ATP1A1: variants seen among roughly 807,000 people sequenced by gnomAD.
ATP1A1 encodes ATPase Na+/K+ transporting subunit alpha 1, also known as sodium/potassium-transporting ATPase subunit alpha-1.
ATP1A1 carries 14 observed loss-of-function variants against 114.8 expected under a neutral mutation model. That is an observed-to-expected ratio of 0.12 (90% CI 0.08 to 0.19). The LOEUF is 0.19. Among genes scored for constraint, ATP1A1 ranks in the 10% least tolerant of loss-of-function variants. The probability of loss-of-function intolerance (pLI) is 1.00; values close to 1 mark genes in which losing one functional copy is unlikely to be tolerated. For synonymous variants in ATP1A1, 471 were observed against 466.3 expected (o/e 1.01, Z -0.13); for missense variants, 524 against 1,290.7 (o/e 0.41, Z 9.10).
chr1:116,400,250 C>T (rs113856257), intron 18 of ATP1A1, among the ~76,000 whole-genome samples: 1 of 152,366 alleles, frequency 6.6e-6, no homozygotes, highest in Non-Finnish European at 1.5e-5. Context: ...ATTCATTAGA[C>T]AGTTGTTGGC....
rs1323939072 is a variant in ATP1A1, at chr1:116,399,734, T to G, written c.2572+191T>G. On this transcript the variant is annotated intron_variant, in intron 18 of 22. Coordinates refer to ENST00000295598, the MANE Select transcript of ATP1A1 (RefSeq NM_000701.8). The surrounding 1 kb of genome is among the most constrained non-coding windows in gnomAD (Gnocchi z 5.0). The stretch of plus-strand genomic sequence containing the variant: ...ATGTGAGAATACATCTGTTGCTGTT[T>G]GCCCAGTTACCTTTTGTGGAAACTG... Among the ~76,000 whole-genome samples the G allele has an allele frequency of 1.3e-5, 2 of 152,240 alleles. No individual in the cohort carries two copies. The highest frequency in any genetic ancestry group is 4.8e-5 in the African/African-American group (2 of 41,468).
At position 116,388,063 on chromosome 1, in the gene ATP1A1, A is replaced by C. The variant is rs192600359; in HGVS notation, c.388-68A>C. The C allele has an allele frequency of 4.1e-5, 44 of 1,062,310 alleles. No homozygotes were observed. The highest frequency in any genetic ancestry group is 6.2e-5 in the Non-Finnish European group (44 of 709,194). The allele number at this position is 1,062,310 out of a possible 1,614,324, so 65.8% of individuals were successfully genotyped here. A position where few individuals can be genotyped will look rare whatever the true frequency, so the allele number is the denominator to read the frequency against. On this transcript the variant is annotated intron_variant, in intron 4 of 22. Transcript: ENST00000295598. This position sits in a 1 kb window ranked among gnomAD's most constrained non-coding sequence, Gnocchi z 5.6. ...TAAAAATCTGTTTTTTATTCAGTCA[A>C]AAAATTAATTGAATGTCCCTAATTA...
In ATP1A1 at chr1:116,389,968, A is replaced by G; in HGVS notation, c.1024-245A>G. On this transcript the variant is annotated intron_variant, in intron 8 of 22. Coordinates refer to ENST00000295598, the MANE Select transcript of ATP1A1 (RefSeq NM_000701.8). The surrounding 1 kb of genome is among the most constrained non-coding windows in gnomAD (Gnocchi z 6.9). ...AACAGTGCAGTGGAGAAAGGAGAAG[A>G]ACTTGGGATCAAGTAGGGGGATAGA... 1.5e-6 allele frequency: 1 copy of G among 667,162 alleles called. No individual in the cohort carries two copies. The highest frequency in any genetic ancestry group is 2.5e-6 in the Non-Finnish European group (1 of 400,592). The allele number at this position is 667,162 out of a possible 1,614,324, so 41.3% of individuals were successfully genotyped here. A position where few individuals can be genotyped will look rare whatever the true frequency, so the allele number is the denominator to read the frequency against.
chr1:116,390,535 TG>T (rs143958053), intron 9 of ATP1A1, 124 bp downstream of exon 9: 334 of 1,041,582 alleles, frequency 3.2e-4, no homozygotes, highest in Non-Finnish European at 3.3e-4. Flanking sequence ...CTTTCTTTTT[TG>T]TTTTTTTTTT....
At chr1:116,379,906 T>C (rs1651629292) in intron 1 of ATP1A1, among the ~76,000 whole-genome samples, 1 of 152,230 alleles carries the variant, frequency 6.6e-6, no homozygotes, top group South Asian at 2.1e-4. Context: ...ACTTTCCTGC[T>C]AAAGTGGTAT....
In ATP1A1 at chr1:116,398,184, C is replaced by T. The variant is rs1653098363; in HGVS notation, c.2124+146C>T. On this transcript the variant is annotated intron_variant, in intron 15 of 22. Coordinates refer to ENST00000295598, the MANE Select transcript of ATP1A1 (RefSeq NM_000701.8). The surrounding 1 kb of genome is among the most constrained non-coding windows in gnomAD (Gnocchi z 6.1). ...AATAGGCCAGTAGGAAGCTCATAGGCATAGAGAGGGTGACTTGTTAATGGT... is the reference window on the plus strand; with the variant it reads ...AATAGGCCAGTAGGAAGCTCATAGGTATAGAGAGGGTGACTTGTTAATGGT... 1.7e-6 allele frequency: 2 copies of T among 1,178,820 alleles called. No individual in the cohort carries two copies. The highest frequency in any genetic ancestry group is 1.6e-5 in the South Asian group (1 of 63,116). 73.0% of individuals were successfully genotyped at this position (1,178,820 alleles called of 1,614,324 possible). A position where few individuals can be genotyped will look rare whatever the true frequency, so the allele number is the denominator to read the frequency against.
rs144606788 is a variant in ATP1A1, at chr1:116,399,402, C to T, written c.2449-18C>T. The T allele has an allele frequency of 1.1e-4, 176 of 1,609,070 alleles. No individual in the cohort carries two copies. In the East Asian group the frequency reaches 3.7e-3, roughly 34 times the overall value. Reference sequence around the variant, plus strand: ...CTTATTTTTAGTAACTAAATTCCTTCTCCCCACCCCTTCCCAGGTTCCTGC... The same window carrying T: ...CTTATTTTTAGTAACTAAATTCCTTTTCCCCACCCCTTCCCAGGTTCCTGC... On this transcript the variant is annotated intron_variant, in intron 17 of 22. Transcript: ENST00000295598. The surrounding 1 kb of genome is among the most constrained non-coding windows in gnomAD (Gnocchi z 5.0).
Position 116,404,706 on chromosome 1 carries a change from C to A in ATP1A1, c.*262C>A. 3 of 1,269,198 alleles carry A rather than the reference C, an allele frequency of 2.4e-6. No individual in the cohort carries two copies. The highest frequency in any genetic ancestry group is 3.0e-6 in the Non-Finnish European group (3 of 1,011,662). The allele number at this position is 1,269,198 out of a possible 1,614,324, so 78.6% of individuals were successfully genotyped here. On this transcript the variant is annotated 3_prime_UTR_variant, in exon 23 of 23. Coordinates refer to ENST00000295598, the MANE Select transcript of ATP1A1 (RefSeq NM_000701.8). This position sits in a 1 kb window ranked among gnomAD's most constrained non-coding sequence, Gnocchi z 4.8. ...TTTTTGTTTTTGTAAAAAAGGAACACCCGGAAAGACTGAAAGAATACATTT... is the reference window on the plus strand; with the variant it reads ...TTTTTGTTTTTGTAAAAAAGGAACAACCGGAAAGACTGAAAGAATACATTT...
At position 116,388,331 on chromosome 1, in the gene ATP1A1, C is replaced by T. The variant is rs1652231153; in HGVS notation, c.501+87C>T. On this transcript the variant is annotated intron_variant, in intron 5 of 22. Coordinates refer to ENST00000295598, the MANE Select transcript of ATP1A1 (RefSeq NM_000701.8). This position sits in a 1 kb window ranked among gnomAD's most constrained non-coding sequence, Gnocchi z 5.6. ...GAATTAGTGTGAAGTTAAGGTTTTC[C>T]AAGTATTACATGACTCATCAGAGAG... 1 of 1,181,086 alleles carries T rather than the reference C, an allele frequency of 8.5e-7. No homozygotes were observed. The highest frequency in any genetic ancestry group is 1.2e-6 in the Non-Finnish European group (1 of 805,608). The allele number at this position is 1,181,086 out of a possible 1,614,324, so 73.2% of individuals were successfully genotyped here.
chr1:116,374,489 G>C (rs1201741098), intron 1 of ATP1A1, among the ~76,000 whole-genome samples: 1 of 152,146 alleles, frequency 6.6e-6, no homozygotes, highest in Non-Finnish European at 1.5e-5. Flanking sequence ...ACCAAAGGGC[G>C]GTCCCTGAAG....
Position 116,399,241 on chromosome 1 carries a change from C to G in ATP1A1, c.2448+157C>G. On this transcript the variant is annotated intron_variant, in intron 17 of 22. Coordinates refer to ENST00000295598, the MANE Select transcript of ATP1A1 (RefSeq NM_000701.8). The surrounding 1 kb of genome is among the most constrained non-coding windows in gnomAD (Gnocchi z 5.0). ...TGTCCCAATCCCGGCTTCACAGAAT[C>G]AGTATTACCACTCTTCAAGGCAGCA... 7.4e-7 allele frequency: 1 copy of G among 1,348,718 alleles called. No homozygotes were observed. Among genetic ancestry groups the G allele is most frequent in the Non-Finnish European group, 1.0e-6 (1 of 979,254 alleles). 83.5% of individuals were successfully genotyped at this position (1,348,718 alleles called of 1,614,324 possible). A position where few individuals can be genotyped will look rare whatever the true frequency, so the allele number is the denominator to read the frequency against.
intron 1 of ATP1A1, among the ~76,000 whole-genome samples, chr1:116,376,902 A>G (rs1256041963): frequency 6.6e-6 from 1 of 152,240 alleles, no homozygotes; most frequent in Non-Finnish European, 1.5e-5. Context: ...GCATTCAAAA[A>G]TAAAAGTGAA....
chr1:116,376,461 G>A (rs989055859), intron 1 of ATP1A1, among the ~76,000 whole-genome samples: 4 of 152,184 alleles, frequency 2.6e-5, no homozygotes, highest in South Asian at 2.1e-4. Context: ...GGGCCTGGCC[G>A]GGAGCTAGTG....
Position 116,389,100 on chromosome 1 carries a change from CTT to C in ATP1A1, c.754+82_754+83del, listed in dbSNP as rs2101044830. ...AAAATCAAAACCATAGGCACAATCT[CTT>C]GTTTTATTGGCTCCATTTCTGAGAA... is the stretch of plus-strand genomic sequence containing the variant. On this transcript the variant is annotated intron_variant, in intron 7 of 22. Coordinates refer to ENST00000295598, the MANE Select transcript of ATP1A1 (RefSeq NM_000701.8). The surrounding 1 kb of genome is among the most constrained non-coding windows in gnomAD (Gnocchi z 6.9). The C allele has an allele frequency of 7.8e-7, 1 of 1,289,674 alleles. No homozygotes were observed. The highest frequency in any genetic ancestry group is 2.3e-5 in the East Asian group (1 of 43,346). 79.9% of individuals were successfully genotyped at this position (1,289,674 alleles called of 1,614,324 possible). A position where few individuals can be genotyped will look rare whatever the true frequency, so the allele number is the denominator to read the frequency against.
chr1:116,381,864 A>C lies in ATP1A1; in HGVS notation c.13-2150A>C, dbSNP rs1651763765. On this transcript the variant is annotated intron_variant, in intron 1 of 22. Transcript: ENST00000295598. This position sits in a 1 kb window ranked among gnomAD's most constrained non-coding sequence, Gnocchi z 5.1. ...ATGATATTCAACTTGCTCAGAGAGA[A>C]TCCGTGAGCTGTATTTTAAAAATCA... Among the ~76,000 whole-genome samples, 1 of 152,222 alleles carries C rather than the reference A, an allele frequency of 6.6e-6. No homozygotes were observed. Among genetic ancestry groups the C allele is most frequent in the Non-Finnish European group, 1.5e-5 (1 of 68,034 alleles).
rs1334685813 is a variant in ATP1A1, at chr1:116,399,138, C to T, written c.2448+54C>T. ...AGTAGTGAGGTGTGAGCTGTGTCTT[C>T]ATTCACTGGCACTATGCTCCCAGCA... is the stretch of plus-strand genomic sequence containing the variant. On this transcript the variant is annotated intron_variant, in intron 17 of 22. Coordinates refer to ENST00000295598, the MANE Select transcript of ATP1A1 (RefSeq NM_000701.8). This position sits in a 1 kb window ranked among gnomAD's most constrained non-coding sequence, Gnocchi z 5.0. The T allele has an allele frequency of 3.7e-6, 6 of 1,606,346 alleles. No homozygotes were observed. The Admixed American group carries it at 8.3e-5, about 22-fold the overall frequency.
Position 116,401,534 on chromosome 1 carries a change from C to G in ATP1A1, c.2850-20C>G. On this transcript the variant is annotated intron_variant, in intron 20 of 22. Coordinates refer to ENST00000295598, the MANE Select transcript of ATP1A1 (RefSeq NM_000701.8). This position sits in a 1 kb window ranked among gnomAD's most constrained non-coding sequence, Gnocchi z 4.7. ...TTTATTTGCACCTTTTAAGTTTTTT[C>G]TCCCCTACTTTGATTTTAGGAACAA... 1 of 1,611,638 alleles carries G rather than the reference C, an allele frequency of 6.2e-7. No individual in the cohort carries two copies. The highest frequency in any genetic ancestry group is 1.1e-5 in the South Asian group (1 of 90,712).
rs1302751483 is a variant in ATP1A1, at chr1:116,393,752, C to T, written c.1660+29C>T. ...TGCAGATAACCTGGTAACAGAGTGCCTGGGCACGTTTTTATCCAGTAACCT... is the reference window on the plus strand; with the variant it reads ...TGCAGATAACCTGGTAACAGAGTGCTTGGGCACGTTTTTATCCAGTAACCT... On this transcript the variant is annotated intron_variant, in intron 12 of 22. Transcript: ENST00000295598. This position sits in a 1 kb window ranked among gnomAD's most constrained non-coding sequence, Gnocchi z 5.0. 6.3e-7 allele frequency: 1 copy of T among 1,598,692 alleles called. No individual in the cohort carries two copies.
rs1319604970 is a variant in ATP1A1, at chr1:116,397,984, T to C, written c.2070T>C (p.Phe690=). ...TGAAGTACCACACTGAGATAGTGTT[T>C]GCCAGGACCTCCCCTCAGCAGAAGC... The part of the protein sequence containing the change: ...DILKYHTEIV[F]ARTSPQQKLI... Residue 690 remains phenylalanine, a synonymous_variant, in exon 15 of 23, where the codon TTT becomes TTC. Coordinates refer to ENST00000295598, the MANE Select transcript of ATP1A1 (RefSeq NM_000701.8). This position sits in a 1 kb window ranked among gnomAD's most constrained non-coding sequence, Gnocchi z 4.2. 3 of 1,614,004 alleles carry C rather than the reference T, an allele frequency of 1.9e-6. No individual in the cohort carries two copies. The highest frequency in any genetic ancestry group is 1.7e-6 in the Non-Finnish European group (2 of 1,180,034).
Sources: allele counts gnomAD v4.1 joint callset (sites outside exome capture counted in the v4.1 genomes callset), GRCh38; gene constraint gnomAD v4.1.1; non-coding constraint Gnocchi (gnomAD v3.1); transcripts MANE v1.5; gene names NCBI Gene and HGNC (gene_info 2026-07-23, HGNC 2026-07-21).